Variants in ZNF816 observed in about 807,000 individuals in gnomAD.
ZNF816 encodes the protein zinc finger protein 816.
A neutral mutation model predicts 8.3 loss-of-function variants in ZNF816; 11 were observed. That is an observed-to-expected ratio of 1.32 (90% confidence interval 0.83 to 2.19). The LOEUF (loss-of-function observed/expected upper bound fraction) is 2.19, where lower values mean the gene tolerates loss of function less well. ZNF816 is among the 30% of genes most tolerant of loss of function. The probability of loss-of-function intolerance (pLI) is 0.00; values close to 1 mark genes in which losing one functional copy is unlikely to be tolerated. For synonymous variants in ZNF816, 255 were observed against 254.5 expected (o/e 1.00, Z -0.02); for missense variants, 710 against 779.3 (o/e 0.91, Z 1.06).
chr19:52,954,625 G>C (rs2083493599), intron 2 of ZNF816, among the ~76,000 whole-genome samples: 1 of 152,038 alleles, frequency 6.6e-6, no homozygotes, highest in Admixed American at 6.6e-5. Flanking sequence ...AAAAGTTCGA[G>C]ACCAGCCTGG....
intron 1 of ZNF816, among the ~76,000 whole-genome samples, chr19:52,956,703 C>T (rs1365845846): frequency 6.6e-6 from 1 of 152,150 alleles, no homozygotes; most frequent in Non-Finnish European, 1.5e-5. Context: ...AGCTGTGGTC[C>T]CAGCTACTCT....
Position 52,951,292 on chromosome 19 carries a change from A to ATG in ZNF816, c.481_482dup (p.Ser162IlefsTer64), listed in dbSNP as rs1206018464. Reference sequence around the variant, plus strand: ...ACATGTGGAGTTCAGGCAGATGCGAATGAAAGCTTAATCCAAGCTGATCTT... The same window carrying ATG: ...ACATGTGGAGTTCAGGCAGATGCGAATGTGAAAGCTTAATCCAAGCTGATCTT... On this transcript the variant is annotated frameshift_variant, in exon 4 of 4. Transcript: ENST00000444460. LOFTEE classifies it low-confidence loss of function (END_TRUNC). 2.5e-6 allele frequency: 4 copies of ATG among 1,614,086 alleles called. No homozygotes were observed. The highest frequency in any genetic ancestry group is 3.4e-6 in the Non-Finnish European group (4 of 1,180,052).
intron 1 of ZNF816, among the ~76,000 whole-genome samples, chr19:52,958,983 C>CT (rs1386310448): frequency 6.6e-6 from 1 of 152,158 alleles, no homozygotes; most frequent in Admixed American, 6.5e-5. Context: ...CTGACAAAGC[C>CT]TTTTACGCTG....
In ZNF816 at chr19:52,951,547, G is replaced by C. The variant is rs751166760; in HGVS notation, c.228C>G (p.Thr76=). 14 of 1,575,586 alleles carry C rather than the reference G, an allele frequency of 8.9e-6. 1 individual carries two copies. In the South Asian group the frequency reaches 1.5e-4, roughly 17 times the overall value. The change falls in exon 4 of 4, where the codon ACC becomes ACG. Residue 76 remains threonine (T), a synonymous_variant. Transcript: ENST00000444460. ...SLKSMMEFSS[T]RHSITGEVIH... is the part of the protein sequence containing the mutation. ...TCACTTCTCCTGTAATACTGTGCCT[G>C]GTTGATGAGAACTCCATCATGGATT...
At chr19:52,959,464 G>C (rs1385995520) in intron 1 of ZNF816, among the ~76,000 whole-genome samples, 2 of 152,202 alleles carry the variant, frequency 1.3e-5, no homozygotes, top group African/African-American at 4.8e-5. Flanking sequence ...AAGTGGACAG[G>C]AGCAGCTTCA....
At chr19:52,953,666 ATATAT>A (rs1334673111) in intron 2 of ZNF816, among the ~76,000 whole-genome samples, 15 of 140,998 alleles carry the variant, frequency 1.1e-4, no homozygotes, top group Admixed American at 3.0e-4. Context: ...ATATTGTATC[ATATAT>A]TATATATAAT....
intron 1 of ZNF816, chr19:52,956,377 AC>A: frequency 3.4e-6 from 1 of 293,556 alleles, no homozygotes; most frequent in Admixed American, 4.9e-5. Flanking sequence ...CCCTAACCAA[AC>A]TCCATGCAGA....
rs1479950644 is a variant in ZNF816, at chr19:52,957,910, G to A, written c.-15-1806C>T. Among the ~76,000 whole-genome samples the A allele has an allele frequency of 3.9e-5, 6 of 152,176 alleles. No homozygotes were observed. The highest frequency in any genetic ancestry group is 1.4e-4 in the African/African-American group (6 of 41,434). On this transcript the variant is annotated intron_variant, in intron 1 of 3. Coordinates refer to ENST00000444460, the MANE Select transcript of ZNF816 (RefSeq NM_001202457.3). The surrounding 1 kb of genome is among the most constrained non-coding windows in gnomAD (Gnocchi z 4.6). ...TGGCCCTTACAGTCCCCCAGGAAGA[G>A]GAATGGAGACTTCTTTTAACTGAGC...
chr19:52,950,611 A>G lies in ZNF816; in HGVS notation c.1164T>C (p.His388=). 1 of 1,614,140 alleles carries G rather than the reference A, an allele frequency of 6.2e-7. No individual in the cohort carries two copies. Among genetic ancestry groups the G allele is most frequent in the Non-Finnish European group, 8.5e-7 (1 of 1,180,026 alleles). Residue 388 remains histidine (H), a synonymous_variant, in exon 4 of 4, where the codon CAT becomes CAC. Coordinates refer to ENST00000444460, the MANE Select transcript of ZNF816 (RefSeq NM_001202457.3). ...FSQKSSLQCH[H]ILHTGEKPYK... ...AAGGTTTCTCTCCAGTGTGAAGTAT[A>G]TGATGGCATTGAAGGGATGATTTCT...
intron 1 of ZNF816, among the ~76,000 whole-genome samples, chr19:52,961,782 C>T (rs1047018428): frequency 6.6e-6 from 1 of 152,164 alleles, no homozygotes; most frequent in Non-Finnish European, 1.5e-5. Flanking sequence ...GAAAATGTAG[C>T]TCATTCCCTC....
chr19:52,949,685 CACTGATGAACT>C lies in ZNF816; in HGVS notation c.*123_*133del. 2 of 1,350,354 alleles carry C rather than the reference CACTGATGAACT, an allele frequency of 1.5e-6. No homozygotes were observed. The highest frequency in any genetic ancestry group is 2.1e-6 in the Non-Finnish European group (2 of 949,780). 83.6% of individuals were successfully genotyped at this position (1,350,354 alleles called of 1,614,324 possible). A position where few individuals can be genotyped will look rare whatever the true frequency, so the allele number is the denominator to read the frequency against. On this transcript the variant is annotated 3_prime_UTR_variant, in exon 4 of 4. Coordinates refer to ENST00000444460, the MANE Select transcript of ZNF816 (RefSeq NM_001202457.3). ...GTAAGGTTTCTCTCCAGTATGAGTT[CACTGATGAACT>C]ACAAGTTATGAATGACGTCTGAAAA...
intron 1 of ZNF816, 145 bp from the exon 2 acceptor site, chr19:52,956,249 A>C (rs2083509582): frequency 1.1e-6 from 1 of 907,354 alleles, no homozygotes; most frequent in African/African-American, 1.7e-5. Flanking sequence ...AGAGATAAGA[A>C]AGTTCCACAG....
chr19:52,950,869 G>T lies in ZNF816; in HGVS notation c.906C>A (p.Cys302Ter), dbSNP rs1249629317. 6.2e-7 allele frequency: 1 copy of T among 1,613,834 alleles called. No individual in the cohort carries two copies. The highest frequency in any genetic ancestry group is 2.2e-5 in the East Asian group (1 of 44,854). ...TCTCTCCAGTATGAAGTCTACGATG[G>T]CATACAAGGGATGACATCTGAGTGA... is the stretch of plus-strand genomic sequence containing the variant. ...KTFTQMSSLV[C>*]HRRLHTGEKP... The change falls in exon 4 of 4, where the codon TGC (cysteine) becomes TGA (stop). Residue 302 changes from cysteine to a stop codon, truncating the protein, a stop_gained. Coordinates refer to ENST00000444460, the MANE Select transcript of ZNF816 (RefSeq NM_001202457.3). LOFTEE classifies it low-confidence loss of function (END_TRUNC).
chr19:52,956,047 G>C lies in ZNF816; in HGVS notation c.43C>G (p.Pro15Ala), dbSNP rs764419278. The change falls in exon 2 of 4, where the codon CCA becomes GCA. Residue 15 changes from proline (P) to alanine (A), a missense_variant. By Grantham distance (27) the Pro-to-Ala change is conservative (BLOSUM62 -1). Transcript: ENST00000444460. ...CTTACCTGAGGAAGAGCCATCCCTG[G>C]CTCCTTTTCTTTGCTCTTCTTGGTG... The part of the protein sequence containing the change: ...EATKKSKEKE[P>A]GMALPQGRLT... 16 of 1,611,284 alleles carry C rather than the reference G, an allele frequency of 9.9e-6. No homozygotes were observed. In the East Asian group the frequency reaches 2.5e-4, roughly 25 times the overall value.
In ZNF816 at chr19:52,949,924, T is replaced by G. The variant is rs1386164665; in HGVS notation, c.1851A>C (p.Ala617=). ...ACTCATTACACTTGTAAGGTTTCTC[T>G]GCAGTATGAACTCTCTGATGTTTTG... ...SLAKHQRVHT[A]EKPYKCNECG... is the part of the protein sequence containing the mutation. The change falls in exon 4 of 4, where the codon GCA becomes GCC. Residue 617 remains alanine (A), a synonymous_variant. Transcript: ENST00000444460. 2 of 1,613,960 alleles carry G rather than the reference T, an allele frequency of 1.2e-6. No homozygotes were observed. Among genetic ancestry groups the G allele is most frequent in the East Asian group, 4.5e-5 (2 of 44,862 alleles).
rs2083523936 is a variant in ZNF816, at chr19:52,957,898, C to A, written c.-15-1794G>T. Among the ~76,000 whole-genome samples the A allele has an allele frequency of 6.6e-6, 1 of 152,140 alleles. No individual in the cohort carries two copies. On this transcript the variant is annotated intron_variant, in intron 1 of 3. Coordinates refer to ENST00000444460, the MANE Select transcript of ZNF816 (RefSeq NM_001202457.3). This position sits in a 1 kb window ranked among gnomAD's most constrained non-coding sequence, Gnocchi z 4.6. The stretch of plus-strand genomic sequence containing the variant: ...CGGGAGTCATTATGGCCCTTACAGT[C>A]CCCCAGGAAGAGGAATGGAGACTTC...
At chr19:52,955,761 C>T (rs576849112) in intron 2 of ZNF816, among the ~76,000 whole-genome samples, 2 of 152,296 alleles carry the variant, frequency 1.3e-5, no homozygotes, top group African/African-American at 4.8e-5. Context: ...ATCACTGACA[C>T]CATGGGGCCC....
intron 2 of ZNF816, among the ~76,000 whole-genome samples, chr19:52,955,198 A>C (rs1455125480): frequency 6.6e-6 from 1 of 152,124 alleles, no homozygotes; most frequent in Non-Finnish European, 1.5e-5. Flanking sequence ...AAAACAAAAC[A>C]AAAAACAAAA....
At position 52,962,875 on chromosome 19, in the gene ZNF816, G is replaced by A. The variant is rs558044260; in HGVS notation, c.-164C>T. The A allele has an allele frequency of 6.6e-6, 1 of 152,654 alleles. No homozygotes were observed. The allele number at this position is 152,654 out of a possible 1,614,324, so 9.5% of individuals were successfully genotyped here. On this transcript the variant is annotated 5_prime_UTR_variant, in exon 1 of 4. Coordinates refer to ENST00000444460, the MANE Select transcript of ZNF816 (RefSeq NM_001202457.3). ...TTTCAGTCCACGCCATCCGCTTCCG[G>A]GTCTGTGCCAATCGGCGCAGGACAG...
Sources: allele counts gnomAD v4.1 joint callset (sites outside exome capture counted in the v4.1 genomes callset), GRCh38; gene constraint gnomAD v4.1.1; non-coding constraint Gnocchi (gnomAD v3.1); transcripts MANE v1.5; gene names NCBI Gene and HGNC (gene_info 2026-07-23, HGNC 2026-07-21).